ATRNL1: variants seen among roughly 807,000 people sequenced by gnomAD.
The protein encoded by ATRNL1 is attractin-like protein 1.
A neutral mutation model predicts 182.7 loss-of-function variants in ATRNL1; 95 were observed. That is an observed-to-expected ratio of 0.52 (90% CI 0.44 to 0.62). The LOEUF is 0.62. Ranked by LOEUF, ATRNL1 falls within the 20% of genes least tolerant of loss-of-function variation. ATRNL1 has a pLI of 0.00. For synonymous variants in ATRNL1, 576 were observed against 568.3 expected (o/e 1.01, Z -0.19); for missense variants, 1,471 against 1,679.5 (o/e 0.88, Z 2.17).
intron 27 of ATRNL1, among the ~76,000 whole-genome samples, chr10:115,752,467 A>G (rs1948474860): frequency 1.3e-5 from 2 of 152,060 alleles, no homozygotes; most frequent in African/African-American, 2.4e-5. Flanking sequence ...CATAGAGCTT[A>G]CATGCTTATA....
chr10:115,485,246 C>G (rs1409092115), intron 24 of ATRNL1, among the ~76,000 whole-genome samples: 1 of 151,864 alleles, frequency 6.6e-6, no homozygotes, highest in Non-Finnish European at 1.5e-5. Context: ...TAGAATTTCC[C>G]TATGAAACCT....
intron 21 of ATRNL1, among the ~76,000 whole-genome samples, chr10:115,440,683 C>T (rs1259104828): frequency 6.6e-6 from 1 of 151,812 alleles, no homozygotes; most frequent in Non-Finnish European, 1.5e-5. Flanking sequence ...ACTCCTGTTT[C>T]TTCTATCTAC....
chr10:115,602,680 G>A (rs1376373036), intron 26 of ATRNL1, among the ~76,000 whole-genome samples: 5 of 151,990 alleles, frequency 3.3e-5, no homozygotes, highest in African/African-American at 9.7e-5. Context: ...TGGCTAACAC[G>A]GTGAAACCCC....
At chr10:115,478,343 C>G (rs1554973541) in intron 24 of ATRNL1, among the ~76,000 whole-genome samples, 1 of 151,664 alleles carries the variant, frequency 6.6e-6, no homozygotes, top group African/African-American at 2.4e-5. Flanking sequence ...GGACTTCTTC[C>G]AAGGTCACTA....
intron 16 of ATRNL1, among the ~76,000 whole-genome samples, chr10:115,301,385 G>A (rs1358940188): frequency 2.0e-5 from 3 of 152,014 alleles, no homozygotes; most frequent in Admixed American, 2.0e-4. Context: ...TTAAATAATG[G>A]CCATCTTAAA....
chr10:115,581,184 C>T (rs1555007211), intron 26 of ATRNL1, among the ~76,000 whole-genome samples: 1 of 152,142 alleles, frequency 6.6e-6, no homozygotes, highest in Admixed American at 6.6e-5. Flanking sequence ...AAATGTACCT[C>T]ACTAATCAAT....
At chr10:115,264,533 A>G (rs1851524755) in intron 10 of ATRNL1, among the ~76,000 whole-genome samples, 1 of 151,572 alleles carries the variant, frequency 6.6e-6, no homozygotes, top group Non-Finnish European at 1.5e-5. Context: ...TAAATCTCAA[A>G]TTTACGTTAG....
At chr10:115,369,173 T>C (rs1280174505) in intron 19 of ATRNL1, among the ~76,000 whole-genome samples, 7 of 151,606 alleles carry the variant, frequency 4.6e-5, no homozygotes, top group Admixed American at 4.6e-4. Context: ...AATATTTCAT[T>C]TTTAAATATA....
intron 27 of ATRNL1, among the ~76,000 whole-genome samples, chr10:115,807,241 G>A (rs113100661): frequency 0.046 from 6,978 of 151,758 alleles, 463 homozygotes; most frequent in African/African-American, 0.15. Flanking sequence ...TCAGCCTCCC[G>A]AGTAGCTGGG....
chr10:115,413,736 C>T (rs1845252663), intron 20 of ATRNL1, among the ~76,000 whole-genome samples: 1 of 151,956 alleles, frequency 6.6e-6, no homozygotes, highest in Non-Finnish European at 1.5e-5. Flanking sequence ...TCATCTTATT[C>T]CTCTTCTGCC....
chr10:115,621,378 C>T (rs983183071), intron 26 of ATRNL1, among the ~76,000 whole-genome samples: 2 of 151,408 alleles, frequency 1.3e-5, no homozygotes, highest in African/African-American at 2.4e-5. Context: ...AATCATGGCT[C>T]ACTGCAGCCT....
intron 28 of ATRNL1, among the ~76,000 whole-genome samples, chr10:115,906,919 T>C (rs1477635896): frequency 8.1e-6 from 1 of 123,956 alleles, no homozygotes; most frequent in Non-Finnish European, 1.5e-5. Context: ...CTGAGGTTGG[T>C]ACAGGTTATC....
At chr10:115,445,726 T>C (rs571917788) in intron 21 of ATRNL1, among the ~76,000 whole-genome samples, 58 of 95,684 alleles carry the variant, frequency 6.1e-4, no homozygotes, top group African/African-American at 1.6e-3. Flanking sequence ...GGAACATTTT[T>C]ATCGCTCCAG....
chr10:115,657,095 G>A (rs1860378351), intron 26 of ATRNL1, among the ~76,000 whole-genome samples: 2 of 151,776 alleles, frequency 1.3e-5, no homozygotes, highest in Non-Finnish European at 2.9e-5. Context: ...CAGTTTCCAA[G>A]GACATATCAA....
intron 1 of ATRNL1, among the ~76,000 whole-genome samples, chr10:115,115,928 T>G (rs1203097854): frequency 6.6e-6 from 1 of 152,138 alleles, no homozygotes; most frequent in Non-Finnish European, 1.5e-5. Context: ...CAACCTTGTG[T>G]TATAAACAGC....
chr10:115,476,180 A>G (rs1454006232), intron 24 of ATRNL1, among the ~76,000 whole-genome samples: 2 of 151,300 alleles, frequency 1.3e-5, no homozygotes, highest in Admixed American at 1.3e-4. Context: ...TTGATGCATA[A>G]GTTATTCCAA....
intron 27 of ATRNL1, among the ~76,000 whole-genome samples, chr10:115,804,391 G>A (rs1949870257): frequency 6.6e-6 from 1 of 152,088 alleles, no homozygotes; most frequent in Admixed American, 6.6e-5. Flanking sequence ...TCTGGGAGGT[G>A]GTTAGGTCAT....
chr10:115,867,747 T>TTTA (rs1555105078), intron 28 of ATRNL1, among the ~76,000 whole-genome samples: 25 of 148,036 alleles, frequency 1.7e-4, no homozygotes, highest in East Asian at 7.9e-4. Context: ...TTTTTTTTTT[T>TTTA]AATTTTTTGA....
intron 13 of ATRNL1, among the ~76,000 whole-genome samples, chr10:115,269,257 T>C (rs986524465): frequency 5.9e-5 from 9 of 152,228 alleles, no homozygotes; most frequent in African/African-American, 2.2e-4. Flanking sequence ...CTAAACATTC[T>C]ATGTTATGTA....
Sources: gnomAD v4.1 joint callset for allele counts (sites outside exome capture counted in the v4.1 genomes callset) on GRCh38, gnomAD v4.1.1 for gene constraint, MANE v1.5 for transcripts, NCBI Gene and HGNC (gene_info 2026-07-23, HGNC 2026-07-21) for gene names.